The following SMOC2 variants were observed in gnomAD, a reference collection of about 807,000 sequenced individuals.
SMOC2 encodes SPARC-related modular calcium-binding protein 2.
SMOC2 carries 39 observed loss-of-function variants against 61.4 expected under a neutral mutation model. The ratio of observed to expected loss-of-function variants is 0.64; its 90% CI spans 0.49 to 0.83. The LOEUF is 0.83. Among genes scored for constraint, SMOC2 ranks in the 40% least tolerant of loss-of-function variants. The pLI, the probability that SMOC2 is intolerant of heterozygous loss-of-function variation, is 0.00. For missense variants in SMOC2, 556 were observed against 592.9 expected (o/e 0.94, Z 0.65); for synonymous variants, 247 against 239.9 (o/e 1.03, Z -0.27).
intron 9 of SMOC2, among the ~76,000 whole-genome samples, chr6:168,623,996 C>T (rs1786318857): frequency 6.6e-6 from 1 of 152,184 alleles, no homozygotes; most frequent in South Asian, 2.1e-4. Context: ...AGAGGAGGCT[C>T]CTGCAGCTCA....
intron 9 of SMOC2, among the ~76,000 whole-genome samples, chr6:168,610,827 C>T (rs1276981807): frequency 1.3e-5 from 2 of 152,170 alleles, no homozygotes; most frequent in African/African-American, 2.4e-5. Flanking sequence ...ACTGGGTCAC[C>T]GTTTTGGCTT....
chr6:168,550,837 G>A (rs1458046185), intron 7 of SMOC2, among the ~76,000 whole-genome samples: 1 of 152,020 alleles, frequency 6.6e-6, no homozygotes. Flanking sequence ...TTGACACTGG[G>A]TTTTGTTCAA....
intron 4 of SMOC2, among the ~76,000 whole-genome samples, chr6:168,541,282 T>C (rs1783872360): frequency 6.6e-6 from 1 of 152,208 alleles, no homozygotes; most frequent in Non-Finnish European, 1.5e-5. Flanking sequence ...AACCTCTTTG[T>C]GTCTGTGAAC....
intron 7 of SMOC2, among the ~76,000 whole-genome samples, chr6:168,571,077 G>T (rs933628813): frequency 5.3e-5 from 8 of 152,086 alleles, no homozygotes; most frequent in Non-Finnish European, 7.4e-5. Flanking sequence ...CCTGACCTTC[G>T]TAACAATGCA....
intron 11 of SMOC2, among the ~76,000 whole-genome samples, chr6:168,658,759 C>T (rs1787390593): frequency 6.6e-6 from 1 of 152,110 alleles, no homozygotes; most frequent in African/African-American, 2.4e-5. Context: ...AAGATGGATC[C>T]ACAGCAGTTA....
At chr6:168,659,652 G>A (rs75482163) in intron 11 of SMOC2, among the ~76,000 whole-genome samples, 223 of 61,276 alleles carry the variant, frequency 3.6e-3, no homozygotes, top group Admixed American at 4.2e-3. Context: ...TTGGGTGAGG[G>A]TGGAGGTTGT....
At chr6:168,518,881 C>A (rs1034183066) in intron 2 of SMOC2, among the ~76,000 whole-genome samples, 1 of 145,870 alleles carries the variant, frequency 6.9e-6, no homozygotes, top group African/African-American at 2.6e-5. Flanking sequence ...ATTCATGTGT[C>A]TGAGCATGCG....
chr6:168,599,299 CCA>C (rs148009987), intron 8 of SMOC2, among the ~76,000 whole-genome samples: 33,312 of 129,604 alleles, frequency 0.26, 4,795 homozygotes, highest in East Asian at 0.4. Flanking sequence ...CACACACATA[CCA>C]CACACACACC....
At chr6:168,558,618 C>G (rs775475798) in intron 7 of SMOC2, among the ~76,000 whole-genome samples, 1 of 152,176 alleles carries the variant, frequency 6.6e-6, no homozygotes, top group Non-Finnish European at 1.5e-5. Flanking sequence ...CCCCAGAGCT[C>G]AGTCTGGTTG....
intron 9 of SMOC2, among the ~76,000 whole-genome samples, chr6:168,637,901 CGTGCTGT>C (rs1398490024): frequency 6.6e-6 from 1 of 151,880 alleles, no homozygotes; most frequent in Non-Finnish European, 1.5e-5. Flanking sequence ...TTTCCCAGGG[CGTGCTGT>C]ATGCTGAGCT....
At chr6:168,621,363 A>G (rs1786240474) in intron 9 of SMOC2, among the ~76,000 whole-genome samples, 1 of 152,188 alleles carries the variant, frequency 6.6e-6, no homozygotes, top group South Asian at 2.1e-4. Flanking sequence ...CAGATTTCTG[A>G]TTTTAAAAAC....
At chr6:168,494,087 G>T (rs1425482675) in intron 1 of SMOC2, among the ~76,000 whole-genome samples, 3 of 152,170 alleles carry the variant, frequency 2.0e-5, no homozygotes, top group Non-Finnish European at 4.4e-5. Flanking sequence ...TTCTTGGTTT[G>T]ACATTATTCC....
Position 168,662,892 on chromosome 6 carries a change from G to T in SMOC2, c.1286-1182G>T, listed in dbSNP as rs1787559153. Among the ~76,000 whole-genome samples, 3 of 152,196 alleles carry T rather than the reference G, an allele frequency of 2.0e-5. No individual in the cohort carries two copies. In the South Asian group the frequency reaches 6.2e-4, roughly 31 times the overall value. ...TTGCCCTGAGCAGCTCAAGAATGGG[G>T]TTACTGTGTCCTGAGGATGGAATAC... On this transcript the variant is annotated intron_variant, in intron 11 of 12. Transcript: ENST00000356284.
At chr6:168,476,251 AT>A (rs1782081381) in intron 1 of SMOC2, among the ~76,000 whole-genome samples, 1 of 152,044 alleles carries the variant, frequency 6.6e-6, no homozygotes, top group African/African-American at 2.4e-5. Flanking sequence ...TTGACCCACA[AT>A]TTTCGTGATA....
In SMOC2 at chr6:168,484,495, A is replaced by G. The variant is rs1221669774; in HGVS notation, c.85-25420A>G. 3.9e-5 allele frequency among the ~76,000 whole-genome samples: 6 copies of G among 152,222 alleles called. No homozygotes were observed. In the South Asian group the frequency reaches 1.0e-3, roughly 26 times the overall value. On this transcript the variant is annotated intron_variant, in intron 1 of 12. Transcript: ENST00000356284. The stretch of plus-strand genomic sequence containing the variant: ...GGAACGTTTGTGCACTGTTGGTGGT[A>G]ATATACAATGGTAAAGCTGCTGTGG...
intron 11 of SMOC2, among the ~76,000 whole-genome samples, chr6:168,658,142 C>G (rs891337859): frequency 1.3e-5 from 2 of 152,112 alleles, no homozygotes; most frequent in Non-Finnish European, 2.9e-5. Flanking sequence ...CAGCTGGGGC[C>G]AGGGAACCAT....
rs917300139 is a variant in SMOC2, at chr6:168,666,673, G to A, written c.*235G>A. The A allele has an allele frequency of 1.8e-6, 1 of 571,036 alleles. No homozygotes were observed. Among genetic ancestry groups the A allele is most frequent in the African/African-American group, 1.9e-5 (1 of 52,888 alleles). The allele number at this position is 571,036 out of a possible 1,614,324, so 35.4% of individuals were successfully genotyped here. A position where few individuals can be genotyped will look rare whatever the true frequency, so the allele number is the denominator to read the frequency against. Reference sequence around the variant, plus strand: ...TGTCCTCTTTTGACCTTGGAAATCTGTATGTGGTGGAGAAGTATTTGAATG... The same window carrying A: ...TGTCCTCTTTTGACCTTGGAAATCTATATGTGGTGGAGAAGTATTTGAATG... On this transcript the variant is annotated 3_prime_UTR_variant, in exon 13 of 13. Transcript: ENST00000356284.
At chr6:168,471,841 A>C (rs868732411) in intron 1 of SMOC2, among the ~76,000 whole-genome samples, 31 of 152,334 alleles carry the variant, frequency 2.0e-4, no homozygotes, top group South Asian at 8.3e-4. Context: ...CCTAATGAGT[A>C]ATGATGTTGA....
chr6:168,581,321 AT>A (rs1389013027), intron 7 of SMOC2, among the ~76,000 whole-genome samples: 3 of 152,224 alleles, frequency 2.0e-5, no homozygotes, highest in African/African-American at 7.2e-5. Context: ...TAAAAAAAAA[AT>A]GAAAACCCCT....
Sources: allele counts gnomAD v4.1 joint callset (sites outside exome capture counted in the v4.1 genomes callset), GRCh38; gene constraint gnomAD v4.1.1; transcripts MANE v1.5; gene names NCBI Gene and HGNC (gene_info 2026-07-23, HGNC 2026-07-21).